PBX1: variants seen among roughly 807,000 people sequenced by gnomAD.
PBX1 encodes pre-B-cell leukemia transcription factor 1.
PBX1 carries 6 observed loss-of-function variants against 53.4 expected under a neutral mutation model. That is an observed-to-expected ratio of 0.11 (90% CI 0.06 to 0.22). PBX1 has a LOEUF of 0.22. Ranked by LOEUF, PBX1 falls within the 10% of genes least tolerant of loss-of-function variation. The pLI is 1.00. For synonymous variants in PBX1, 204 were observed against 212.3 expected, an observed-to-expected ratio of 0.96 and a Z score of 0.34; for missense variants, 251 against 551.4, an observed-to-expected ratio of 0.46 and a Z score of 5.46.
At chr1:164,562,574 G>A (rs1653141166) in intron 1 of PBX1, among the ~76,000 whole-genome samples, 1 of 151,792 alleles carries the variant, frequency 6.6e-6, no homozygotes, top group Non-Finnish European at 1.5e-5. Context: ...GTAAATAATT[G>A]AATTTCAACA....
intron 2 of PBX1, among the ~76,000 whole-genome samples, chr1:164,565,845 C>A (rs548979795): frequency 6.6e-6 from 1 of 151,002 alleles, no homozygotes; most frequent in South Asian, 2.1e-4. Flanking sequence ...TGTTTGGGGA[C>A]TTTTTCTATT....
At chr1:164,843,016 G>A (rs913141152) in intron 8 of PBX1, among the ~76,000 whole-genome samples, 1 of 149,148 alleles carries the variant, frequency 6.7e-6, no homozygotes, top group Non-Finnish European at 1.5e-5. Flanking sequence ...ACCCACAGTC[G>A]AGGTAGAGGG....
intron 2 of PBX1, among the ~76,000 whole-genome samples, chr1:164,706,950 A>C (rs907203546): frequency 2.0e-5 from 3 of 152,228 alleles, no homozygotes; most frequent in Non-Finnish European, 4.4e-5. Flanking sequence ...AGTCCCAGCT[A>C]AATTCCCAGG....
intron 7 of PBX1, among the ~76,000 whole-genome samples, chr1:164,821,156 C>T (rs923263107): frequency 2.0e-5 from 3 of 152,098 alleles, no homozygotes; most frequent in Non-Finnish European, 4.4e-5. Flanking sequence ...TTATAGGATA[C>T]CCAGCAAAGG....
intron 2 of PBX1, among the ~76,000 whole-genome samples, chr1:164,707,574 C>T (rs1337042735): frequency 3.9e-5 from 6 of 152,074 alleles, no homozygotes; most frequent in Admixed American, 6.5e-5. Flanking sequence ...ATAAGAAGAA[C>T]CCAATGCTGG....
chr1:164,843,512 T>G (rs1481587930), intron 8 of PBX1, among the ~76,000 whole-genome samples: 6 of 151,230 alleles, frequency 4.0e-5, no homozygotes, highest in Non-Finnish European at 7.4e-5. Flanking sequence ...TCTGAGGGGG[T>G]GTGTGTGTGT....
At chr1:164,707,452 AGAG>A (rs754237891) in intron 2 of PBX1, among the ~76,000 whole-genome samples, 3,105 of 147,136 alleles carry the variant, frequency 0.021, 34 homozygotes, top group Non-Finnish European at 0.031. Flanking sequence ...AGAGAGAGAG[AGAG>A]AAAGTGCTGA....
At chr1:164,670,992 T>A (rs1169725064) in intron 2 of PBX1, among the ~76,000 whole-genome samples, 1 of 152,172 alleles carries the variant, frequency 6.6e-6, no homozygotes, top group Admixed American at 6.5e-5. Flanking sequence ...GCCAGTGACA[T>A]CCCGCATTTC....
intron 8 of PBX1, among the ~76,000 whole-genome samples, chr1:164,840,385 G>T (rs1268881372): frequency 6.6e-6 from 1 of 152,108 alleles, no homozygotes; most frequent in African/African-American, 2.4e-5. Context: ...ATTTTATCTG[G>T]CAATGTCATT....
chr1:164,636,233 G>C (rs193137157), intron 2 of PBX1, among the ~76,000 whole-genome samples: 13 of 152,182 alleles, frequency 8.5e-5, no homozygotes, highest in Admixed American at 2.6e-4. Context: ...GAGATGGAAG[G>C]GGGGAGGAAC....
chr1:164,870,190 G>GACTT lies in PBX1; in HGVS notation n.258-28997_258-28994dup, dbSNP rs879872958. 1.7e-3 allele frequency among the ~76,000 whole-genome samples: 211 copies of GACTT among 123,250 alleles called. 4 individuals are homozygous for GACTT. Among genetic ancestry groups the GACTT allele is most frequent in the Middle Eastern group, 4.8e-3 (1 of 208 alleles). The allele number at this position is 123,250 out of a possible 152,430, so 80.9% of individuals were successfully genotyped here. ...ATTCTAAAATCACTTTTTCTCTATT[G>GACTT]ACTTTCTTTCTTTCTTTCTTTTCTT... is the stretch of plus-strand genomic sequence containing the variant. On this transcript the variant is annotated intron_variant and non_coding_transcript_variant, in intron 2 of 2. Transcript: ENST00000558796.
chr1:164,585,962 T>C (rs1185198194), intron 2 of PBX1, among the ~76,000 whole-genome samples: 1 of 152,226 alleles, frequency 6.6e-6, no homozygotes, highest in Non-Finnish European at 1.5e-5. Context: ...CATTCATTCA[T>C]TCATTCATTC....
At chr1:164,703,021 A>G (rs569833971) in intron 2 of PBX1, 4 of 152,252 alleles carry the variant, frequency 2.6e-5, no homozygotes, top group South Asian at 4.1e-4. Flanking sequence ...ATTAAAAAAA[A>G]AGAGAGAGAC....
intron 8 of PBX1, among the ~76,000 whole-genome samples, chr1:164,836,656 C>T (rs1018825884): frequency 1.3e-5 from 2 of 152,176 alleles, no homozygotes; most frequent in Non-Finnish European, 2.9e-5. Context: ...CTGCATCCCC[C>T]ACCCCCAAGC....
At chr1:164,858,512 C>A (rs72698335) in intron 2 of PBX1, among the ~76,000 whole-genome samples, 1 of 151,890 alleles carries the variant, frequency 6.6e-6, no homozygotes, top group East Asian at 1.9e-4. Flanking sequence ...GTTTCTGAAA[C>A]CACAACTCTC....
intron 6 of PBX1, chr1:164,816,611 G>C (rs1345073006): frequency 2.0e-5 from 3 of 152,006 alleles, no homozygotes; most frequent in Admixed American, 6.6e-5. Flanking sequence ...AGCTATCTTT[G>C]GTTGTCACAA....
chr1:164,691,943 A>T (rs1557945903), intron 2 of PBX1, among the ~76,000 whole-genome samples: 1 of 152,246 alleles, frequency 6.6e-6, no homozygotes, highest in Non-Finnish European at 1.5e-5. Flanking sequence ...AAAGTGTTAT[A>T]TAAAATTACC....
chr1:164,825,694 T>C (rs758615764), intron 8 of PBX1, among the ~76,000 whole-genome samples: 19 of 152,212 alleles, frequency 1.2e-4, no homozygotes, highest in Non-Finnish European at 2.4e-4. Context: ...TGTGAATTTA[T>C]ATGGTGATGA....
chr1:164,785,628 C>T (rs772212688), intron 2 of PBX1, among the ~76,000 whole-genome samples: 18 of 152,178 alleles, frequency 1.2e-4, no homozygotes, highest in Non-Finnish European at 1.9e-4. Context: ...ACTGGAGGAG[C>T]GTAAACCATG....
Sources: allele counts gnomAD v4.1 joint callset (sites outside exome capture counted in the v4.1 genomes callset), GRCh38; gene constraint gnomAD v4.1.1; transcripts MANE v1.5; gene names NCBI Gene and HGNC (gene_info 2026-07-23, HGNC 2026-07-21).